Variants in CACNA1I observed in about 807,000 individuals in gnomAD.
CACNA1I encodes calcium voltage-gated channel subunit alpha1 I.
CACNA1I carries 74 observed loss-of-function variants against 201.6 expected under a neutral mutation model. That is an observed-to-expected ratio of 0.37 (90% confidence interval 0.30 to 0.45). The LOEUF is 0.45. Ranked by LOEUF, CACNA1I falls within the 20% of genes least tolerant of loss-of-function variation. CACNA1I has a pLI of 1.00. For synonymous variants in CACNA1I, 1,431 were observed against 1,345.2 expected, an observed-to-expected ratio of 1.06 and a Z score of -1.40; for missense variants, 2,346 against 3,138.1, an observed-to-expected ratio of 0.75 and a Z score of 6.03.
In CACNA1I at chr22:39,665,094, TG is replaced by T. The variant is rs1318150030; in HGVS notation, c.3851+175del. On this transcript the variant is annotated intron_variant, in intron 21 of 36. Coordinates refer to ENST00000402142, the MANE Select transcript of CACNA1I (RefSeq NM_021096.4). The surrounding 1 kb of genome is among the most constrained non-coding windows in gnomAD (Gnocchi z 5.5). ...GGGAGGGGTCTGCAGACCCTGGGGG[TG>T]GGGTATGCTGGAAGAGCAGGGCTGA... Among the ~76,000 whole-genome samples, 1 of 133,352 alleles carries T rather than the reference TG, an allele frequency of 7.5e-6. No individual in the cohort carries two copies. The highest frequency in any genetic ancestry group is 1.6e-5 in the Non-Finnish European group (1 of 63,256). 87.5% of individuals were successfully genotyped at this position (133,352 alleles called of 152,430 possible).
chr22:39,679,262 C>T lies in CACNA1I; in HGVS notation c.5211C>T (p.Asn1737=), dbSNP rs747537964. Residue 1737 remains asparagine (N), a synonymous_variant, in exon 32 of 37, where the codon AAC becomes AAT. Transcript: ENST00000402142. ...AVLMKHLDDS[N]KEAQEDAEMD... The stretch of plus-strand genomic sequence containing the variant: ...TCATGAAGCACCTGGACGACAGCAA[C>T]AAGGAGGCGCAGGAGGACGCCGAGA... 66 of 1,586,776 alleles carry T rather than the reference C, an allele frequency of 4.2e-5. No homozygotes were observed. The highest frequency in any genetic ancestry group is 5.2e-5 in the Non-Finnish European group (61 of 1,167,466).
rs1396745737 is a variant in CACNA1I, at chr22:39,666,980, C to T, written c.4104+974C>T. Among the ~76,000 whole-genome samples, 1 of 152,242 alleles carries T rather than the reference C, an allele frequency of 6.6e-6. No individual in the cohort carries two copies. The highest frequency in any genetic ancestry group is 1.5e-5 in the Non-Finnish European group (1 of 68,038). On this transcript the variant is annotated intron_variant, in intron 23 of 36. Coordinates refer to ENST00000402142, the MANE Select transcript of CACNA1I (RefSeq NM_021096.4). The surrounding 1 kb of genome is among the most constrained non-coding windows in gnomAD (Gnocchi z 4.1). ...TATGGGCCCCGCCCCAGTGCCAGCTCCGCCCCTTTGGAGCATTTCTGGGTC... is the reference window on the plus strand; with the variant it reads ...TATGGGCCCCGCCCCAGTGCCAGCTTCGCCCCTTTGGAGCATTTCTGGGTC...
At chr22:39,632,855 G>C (rs1355648095) in intron 4 of CACNA1I, among the ~76,000 whole-genome samples, 1 of 151,260 alleles carries the variant, frequency 6.6e-6, no homozygotes, top group African/African-American at 2.4e-5. Flanking sequence ...TCCCTGCTTG[G>C]GGGTGTAGGG....
At chr22:39,607,316 C>G (rs1933250009) in intron 3 of CACNA1I, among the ~76,000 whole-genome samples, 1 of 152,244 alleles carries the variant, frequency 6.6e-6, no homozygotes, top group African/African-American at 2.4e-5. Context: ...TCCTTTCACC[C>G]CTTCTCAATG....
intron 1 of CACNA1I, among the ~76,000 whole-genome samples, chr22:39,593,791 T>C (rs1472375374): frequency 6.6e-6 from 1 of 152,242 alleles, no homozygotes; most frequent in Non-Finnish European, 1.5e-5. Context: ...CTTTTCCAGC[T>C]GGTGACCTTG....
At chr22:39,602,112 C>T (rs933310779) in intron 3 of CACNA1I, among the ~76,000 whole-genome samples, 5 of 118,028 alleles carry the variant, frequency 4.2e-5, no homozygotes, top group Non-Finnish European at 8.6e-5. Context: ...TCACTCTGTA[C>T]CTAGGTTGGA....
chr22:39,592,907 A>G (rs1473010287), intron 1 of CACNA1I, among the ~76,000 whole-genome samples: 1 of 152,312 alleles, frequency 6.6e-6, no homozygotes, highest in East Asian at 1.9e-4. Flanking sequence ...AACTTCAAGG[A>G]GGGCTGGTGC....
intron 26 of CACNA1I, 53 bp from the exon 27 acceptor site, chr22:39,672,146 G>A: frequency 8.7e-7 from 1 of 1,143,230 alleles, no homozygotes; most frequent in Admixed American, 1.7e-5. Context: ...GTGGAGGAAG[G>A]TTGTGGAGCA....
rs903798769 is a variant in CACNA1I at position 39,688,890 on chromosome 22, A to C, written c.*2485A>C. 6.6e-5 allele frequency: 10 copies of C among 152,466 alleles called. No individual in the cohort carries two copies. The highest frequency in any genetic ancestry group is 1.5e-4 in the Non-Finnish European group (10 of 68,150). The allele number at this position is 152,466 out of a possible 1,614,324, so 9.4% of individuals were successfully genotyped here. On this transcript the variant is annotated 3_prime_UTR_variant, in exon 37 of 37. Coordinates refer to ENST00000402142, the MANE Select transcript of CACNA1I (RefSeq NM_021096.4). This position sits in a 1 kb window ranked among gnomAD's most constrained non-coding sequence, Gnocchi z 4.8. The stretch of plus-strand genomic sequence containing the variant: ...GGCAGAGAAGCTCCTTGCAGGGAGC[A>C]CTGGGAGATGGCCTGGCCCGTCCCA...
intron 3 of CACNA1I, among the ~76,000 whole-genome samples, chr22:39,609,471 T>C (rs1240701427): frequency 1.3e-5 from 2 of 152,252 alleles, no homozygotes; most frequent in African/African-American, 4.8e-5. Flanking sequence ...GGGGCTGACA[T>C]CCTTGTGATT....
chr22:39,649,713 G>T lies in CACNA1I; in HGVS notation c.1780G>T (p.Ala594Ser), dbSNP rs59010602. 3.0e-4 allele frequency: 455 copies of T among 1,530,846 alleles called. 1 individual carries two copies. The African/African-American group carries it at 5.2e-3, about 17-fold the overall frequency. 94.8% of individuals were successfully genotyped at this position (1,530,846 alleles called of 1,614,324 possible). A position where few individuals can be genotyped will look rare whatever the true frequency, so the allele number is the denominator to read the frequency against. The change falls in exon 10 of 37, where the codon GCC (alanine) becomes TCC (serine). Residue 594 changes from alanine (A) to serine (S), a missense_variant. Physicochemically the swap from Ala to Ser is moderately conservative, Grantham distance 99. Around this residue, in one of 13 missense-constraint regions of CACNA1I, gnomAD observed 312 missense variants for 331.5 expected, o/e 0.94. Coordinates refer to ENST00000402142, the MANE Select transcript of CACNA1I (RefSeq NM_021096.4). This position sits in a 1 kb window ranked among gnomAD's most constrained non-coding sequence, Gnocchi z 7.3. ...CGAGGACGAGGCGGATGGGGACGGGGCCCGGAGCAGCGAGGACGGAGCCTC... is the reference window on the plus strand; with the variant it reads ...CGAGGACGAGGCGGATGGGGACGGGTCCCGGAGCAGCGAGGACGGAGCCTC... ...GGEDEADGDG[A>S]RSSEDGASSE...
chr22:39,624,218 C>T (rs796615313), intron 4 of CACNA1I, among the ~76,000 whole-genome samples: 3 of 152,054 alleles, frequency 2.0e-5, no homozygotes, highest in African/African-American at 7.2e-5. Flanking sequence ...GTGTGGGCGC[C>T]TGTGCCTCTC....
At chr22:39,643,602 C>T (rs564350065) in intron 7 of CACNA1I, 3 of 152,828 alleles carry the variant, frequency 2.0e-5, no homozygotes, top group African/African-American at 4.8e-5. Flanking sequence ...TCTCTGGCTT[C>T]CTGGTGGTGG....
intron 20 of CACNA1I, 81 bp downstream of exon 20, chr22:39,664,240 C>A: frequency 8.7e-7 from 1 of 1,152,788 alleles, no homozygotes; most frequent in Non-Finnish European, 1.3e-6. Context: ...CTCAGCTTGT[C>A]ACTCGCCTGC....
chr22:39,619,060 CCCA>C (rs1190011032), intron 3 of CACNA1I, among the ~76,000 whole-genome samples: 3 of 152,176 alleles, frequency 2.0e-5, no homozygotes, highest in South Asian at 2.1e-4. Flanking sequence ...ACAGTGGGAG[CCCA>C]ACATCTGTGC....
At position 39,640,847 on chromosome 22, in the gene CACNA1I, C is replaced by A; in HGVS notation, c.741-20C>A. 6.3e-7 allele frequency: 1 copy of A among 1,590,872 alleles called. No homozygotes were observed. Among genetic ancestry groups the A allele is most frequent in the Non-Finnish European group, 8.6e-7 (1 of 1,165,844 alleles). On this transcript the variant is annotated intron_variant, in intron 5 of 36. Transcript: ENST00000402142. ...GACCCCTCCCCTTTCCCTCTTTTACCCACCCTCGCCTGTGGACAGACAAGG... is the reference window on the plus strand; with the variant it reads ...GACCCCTCCCCTTTCCCTCTTTTACACACCCTCGCCTGTGGACAGACAAGG...
chr22:39,653,172 A>AGCCCCCCAC (rs1236357497), intron 10 of CACNA1I, among the ~76,000 whole-genome samples: 1 of 124,882 alleles, frequency 8.0e-6, no homozygotes, highest in South Asian at 2.3e-4. Context: ...CTGCATTGAG[A>AGCCCCCCAC]ACCTGGCGCT....
chr22:39,678,656 C>T (rs559442629), intron 31 of CACNA1I, among the ~76,000 whole-genome samples: 22 of 152,190 alleles, frequency 1.4e-4, no homozygotes, highest in Non-Finnish European at 3.1e-4. Context: ...CTGGGAGAGG[C>T]GGCCAATCTC....
In CACNA1I at chr22:39,661,271, C is replaced by T; in HGVS notation, c.2862C>T (p.Val954=). The change falls in exon 16 of 37, where the codon GTC becomes GTT. Residue 954 remains valine (V), a synonymous_variant. Transcript: ENST00000402142. Reference sequence around the variant, plus strand: ...CCCTGGGCTCCCGAAAGAGCAGTGTCATGTCTCTAGGGAGGATGAGCTATG... The same window carrying T: ...CCCTGGGCTCCCGAAAGAGCAGTGTTATGTCTCTAGGGAGGATGAGCTATG... ...LVALGSRKSS[V]MSLGRMSYDQ... is the part of the protein sequence containing the mutation. 6 of 1,604,874 alleles carry T rather than the reference C, an allele frequency of 3.7e-6. No individual in the cohort carries two copies. Among genetic ancestry groups the T allele is most frequent in the Non-Finnish European group, 5.1e-6 (6 of 1,175,584 alleles).
Sources: gnomAD v4.1 joint callset for allele counts (sites outside exome capture counted in the v4.1 genomes callset) on GRCh38, gnomAD v4.1.1 for gene constraint, gnomAD v4.1.1 regional missense constraint, Gnocchi (gnomAD v3.1) non-coding constraint, MANE v1.5 for transcripts, NCBI Gene and HGNC (gene_info 2026-07-23, HGNC 2026-07-21) for gene names.